FSTL4: variants seen among roughly 807,000 people sequenced by gnomAD.
The protein encoded by FSTL4 is follistatin like 4.
Under a neutral mutation model 78.2 loss-of-function variants are expected in FSTL4, and 28 were observed. That is an observed-to-expected ratio of 0.36 (90% CI 0.27 to 0.49). The LOEUF is 0.49. Among genes scored for constraint, FSTL4 ranks in the 20% least tolerant of loss-of-function variants. The pLI is 0.98. For synonymous variants in FSTL4, 422 were observed against 440.5 expected (o/e 0.96, Z 0.53); for missense variants, 922 against 1,084.9 (o/e 0.85, Z 2.11).
At chr5:133,623,089 C>CT in the FSTL4 span, among the ~76,000 whole-genome samples, 11,293 of 146,956 alleles carry the variant, frequency 0.077, 429 homozygotes, top group South Asian at 0.18. Flanking sequence ...AGGATGAGGT[C>CT]TTTTTTTTTT....
At chr5:133,652,656 A>G in the FSTL4 span, among the ~76,000 whole-genome samples, 1 of 152,156 alleles carries the variant, frequency 6.6e-6, no homozygotes, top group African/African-American at 2.4e-5. Context: ...TAAGCATGTT[A>G]AGGTGTGTTT....
chr5:133,718,725 G>C, the FSTL4 span, among the ~76,000 whole-genome samples: 2 of 152,190 alleles, frequency 1.3e-5, no homozygotes. Context: ...TTTGGCCTCT[G>C]AGTGATTTTG....
chr5:133,416,202 G>C (rs940640176), intron 3 of FSTL4, among the ~76,000 whole-genome samples: 1 of 152,162 alleles, frequency 6.6e-6, no homozygotes, highest in Non-Finnish European at 1.5e-5. Context: ...GACATAAAAG[G>C]CAGTCTGAAG....
chr5:133,815,080 G>A, the FSTL4 span, among the ~76,000 whole-genome samples: 2 of 152,154 alleles, frequency 1.3e-5, no homozygotes, highest in Non-Finnish European at 2.9e-5. Flanking sequence ...TACAGCCAGG[G>A]TTGAAAACCA....
At chr5:133,219,502 T>C (rs971563820) in intron 12 of FSTL4, among the ~76,000 whole-genome samples, 2 of 152,186 alleles carry the variant, frequency 1.3e-5, no homozygotes, top group African/African-American at 2.4e-5. Context: ...GCTGCCTCCT[T>C]CTGGAAAAAG....
chr5:133,698,979 G>A, the FSTL4 span, among the ~76,000 whole-genome samples: 5 of 152,142 alleles, frequency 3.3e-5, no homozygotes, highest in Admixed American at 1.3e-4. Context: ...CTGACCTGTC[G>A]CTTATAGGAT....
rs1356374223 is a variant in FSTL4 at position 133,331,151 on chromosome 5, C to T, written c.410-14499G>A. On this transcript the variant is annotated intron_variant, in intron 4 of 15. Coordinates refer to ENST00000265342, the MANE Select transcript of FSTL4 (RefSeq NM_015082.2). ...AGGGAAAGCAGCCCCGCATAGGTCC[C>T]GGCAGGGCCTTCTCCAGAACTGGGC... Among the ~76,000 whole-genome samples, 13 of 152,288 alleles carry T rather than the reference C, an allele frequency of 8.5e-5. No homozygotes were observed. The East Asian group carries it at 1.5e-3, about 18-fold the overall frequency.
At chr5:133,265,296 G>A (rs1383332724) in intron 6 of FSTL4, among the ~76,000 whole-genome samples, 3 of 152,120 alleles carry the variant, frequency 2.0e-5, no homozygotes, top group Non-Finnish European at 1.5e-5. Context: ...AAATGTCCTG[G>A]GCCTTCCCCC....
the FSTL4 span, among the ~76,000 whole-genome samples, chr5:133,703,885 G>A: frequency 6.6e-6 from 1 of 152,228 alleles, no homozygotes; most frequent in Non-Finnish European, 1.5e-5. Context: ...TCCAGGACAT[G>A]CAGCTAGCAC....
At chr5:133,797,658 T>G in the FSTL4 span, among the ~76,000 whole-genome samples, 1 of 152,110 alleles carries the variant, frequency 6.6e-6, no homozygotes, top group Non-Finnish European at 1.5e-5. Flanking sequence ...GTTTAGTCCT[T>G]TGGGGGTGCT....
At chr5:133,435,394 T>G (rs1301485473) in intron 3 of FSTL4, among the ~76,000 whole-genome samples, 1 of 152,218 alleles carries the variant, frequency 6.6e-6, no homozygotes, top group Non-Finnish European at 1.5e-5. Flanking sequence ...AATAAAAATA[T>G]CTGCTTAACT....
At chr5:133,789,115 T>G in the FSTL4 span, among the ~76,000 whole-genome samples, 2 of 152,170 alleles carry the variant, frequency 1.3e-5, no homozygotes, top group Admixed American at 1.3e-4. Context: ...TGGCTTGGGA[T>G]ATACAGGTAG....
chr5:133,374,606 T>G (rs1449288436), intron 4 of FSTL4, among the ~76,000 whole-genome samples: 2 of 152,152 alleles, frequency 1.3e-5, no homozygotes, highest in Admixed American at 1.3e-4. Context: ...TGCTGAAGCA[T>G]AAATCTCCAA....
the FSTL4 span, among the ~76,000 whole-genome samples, chr5:133,713,025 C>T: frequency 6.6e-6 from 1 of 152,118 alleles, no homozygotes; most frequent in Non-Finnish European, 1.5e-5. Context: ...ATCAACATTT[C>T]AATCAATATT....
At chr5:133,792,994 T>C in the FSTL4 span, among the ~76,000 whole-genome samples, 1 of 152,232 alleles carries the variant, frequency 6.6e-6, no homozygotes, top group Non-Finnish European at 1.5e-5. Context: ...TTGCTGGCTC[T>C]GGCGGGTAGA....
intron 2 of FSTL4, among the ~76,000 whole-genome samples, chr5:133,599,448 A>G (rs1760809105): frequency 6.6e-6 from 1 of 152,152 alleles, no homozygotes; most frequent in Non-Finnish European, 1.5e-5. Context: ...CAAAGACTTT[A>G]CTTTGAGAGA....
intron 6 of FSTL4, among the ~76,000 whole-genome samples, chr5:133,261,996 A>G (rs1752537222): frequency 1.6e-5 from 2 of 121,830 alleles, no homozygotes; most frequent in Non-Finnish European, 3.1e-5. Flanking sequence ...CCTAGTCTCA[A>G]AAAAAAAAAA....
At chr5:133,467,044 TTGTA>T (rs1279343231) in intron 3 of FSTL4, among the ~76,000 whole-genome samples, 2 of 151,030 alleles carry the variant, frequency 1.3e-5, no homozygotes, top group South Asian at 2.1e-4. Context: ...GAGAGTATGA[TTGTA>T]TGAGTATATG....
At chr5:133,801,798 G>A in the FSTL4 span, among the ~76,000 whole-genome samples, 1 of 152,342 alleles carries the variant, frequency 6.6e-6, no homozygotes, top group Admixed American at 6.5e-5. Flanking sequence ...GGGCTCTAGT[G>A]GGACAGAACC....
Sources: allele counts gnomAD v4.1 joint callset (sites outside exome capture counted in the v4.1 genomes callset), GRCh38; gene constraint gnomAD v4.1.1; transcripts MANE v1.5; gene names NCBI Gene and HGNC (gene_info 2026-07-23, HGNC 2026-07-21).